Variants in CCDC9 observed in about 807,000 individuals in gnomAD.
CCDC9 encodes coiled-coil domain containing 9.
CCDC9 carries 52 observed loss-of-function variants against 65.6 expected under a neutral mutation model. That is an observed-to-expected ratio of 0.79 (90% CI 0.63 to 1.00). The LOEUF (loss-of-function observed/expected upper bound fraction) is 1.00. Among genes scored for constraint, CCDC9 ranks in the 50% least tolerant of loss-of-function variants. The pLI is 0.00. For synonymous variants in CCDC9, 332 were observed against 280.3 expected (o/e 1.18, Z -1.84); for missense variants, 834 against 757.2 (o/e 1.10, Z -1.19).
At chr19:47,260,218 G>T in intron 3 of CCDC9, 103 bp from the exon 4 acceptor site, 1 of 777,464 alleles carries the variant, frequency 1.3e-6, no homozygotes. Context: ...GTCCAGGAGA[G>T]AGGCCTGGGC....
chr19:47,257,062 G>A (rs2059014871), intron 1 of CCDC9, among the ~76,000 whole-genome samples: 1 of 151,356 alleles, frequency 6.6e-6, no homozygotes, highest in Non-Finnish European at 1.5e-5. Flanking sequence ...GGCGGGGCCA[G>A]GGTGCTGGCG....
chr19:47,265,064 C>CTTT, intron 7 of CCDC9, 118 bp downstream of exon 7: 7 of 690,790 alleles, frequency 1.0e-5, no homozygotes, highest in Non-Finnish European at 1.4e-5. Context: ...CAGCACAGGA[C>CTTT]TTTTTTTTTT....
In CCDC9 at chr19:47,264,896, G is replaced by A; in HGVS notation, c.670G>A (p.Gly224Arg). The change falls in exon 7 of 12, where the codon GGG becomes AGG. Residue 224 changes from glycine (G) to arginine (R), a missense_variant. Coordinates refer to ENST00000221922, the MANE Select transcript of CCDC9 (RefSeq NM_015603.3). ...EESRRHGRNW[G>R]GPDFERVRCG... ...GAGCCGCCGGCACGGCCGCAACTGG[G>A]GGGGCCCCGACTTCGAGCGGGTGCG... The A allele has an allele frequency of 6.8e-7, 1 of 1,471,306 alleles. No individual in the cohort carries two copies. Among genetic ancestry groups the A allele is most frequent in the South Asian group, 1.4e-5 (1 of 70,614 alleles). 91.1% of individuals were successfully genotyped at this position (1,471,306 alleles called of 1,614,324 possible).
downstream of CCDC9, chr19:47,275,381 C>T (rs776534872): frequency 2.6e-6 from 4 of 1,527,314 alleles, no homozygotes; most frequent in Non-Finnish European, 1.8e-6. Context: ...GATCGCCAGC[C>T]CTCGAGAGCT....
intron 7 of CCDC9, 144 bp downstream of exon 7, chr19:47,265,090 C>G (rs777927415): frequency 3.1e-6 from 2 of 640,094 alleles, no homozygotes; most frequent in Non-Finnish European, 4.6e-6. Flanking sequence ...CGGATTCTCG[C>G]TCTGTCACCC....
intron 8 of CCDC9, among the ~76,000 whole-genome samples, chr19:47,268,460 C>A (rs1464644750): frequency 6.6e-6 from 1 of 152,118 alleles, no homozygotes; most frequent in Non-Finnish European, 1.5e-5. Context: ...GGATTGTGAA[C>A]CAAGCCTGTG....
downstream of CCDC9, chr19:47,273,317 G>A: frequency 1.7e-6 from 2 of 1,201,102 alleles, no homozygotes; most frequent in South Asian, 4.2e-5. Flanking sequence ...GAGGTGGGAA[G>A]ACTGCTCCCC....
At chr19:47,257,517 C>G (rs566729672) in intron 1 of CCDC9, 1 of 152,406 alleles carries the variant, frequency 6.6e-6, no homozygotes, top group African/African-American at 2.4e-5. Flanking sequence ...ATGTCGGGGA[C>G]GTGGCCCTGG....
chr19:47,275,430 TC>T, downstream of CCDC9: 1 of 1,454,408 alleles, frequency 6.9e-7, no homozygotes, highest in Non-Finnish European at 9.1e-7. Context: ...TCTGGATTGG[TC>T]CGGCCTTCTT....
intron 5 of CCDC9, among the ~76,000 whole-genome samples, chr19:47,263,852 C>T (rs1356375796): frequency 3.3e-5 from 5 of 151,550 alleles, no homozygotes; most frequent in Admixed American, 2.6e-4. Context: ...GCGTGAGCCA[C>T]TGTGCCCGAC....
intron 5 of CCDC9, 135 bp from the exon 6 acceptor site, chr19:47,264,468 G>A (rs1480945630): frequency 3.8e-6 from 3 of 793,538 alleles, no homozygotes; most frequent in Admixed American, 2.2e-5. Flanking sequence ...CCTGGAGCAC[G>A]CTGAGAGCAA....
At chr19:47,258,299 G>T (rs1178054910) in intron 1 of CCDC9, 31 bp from the exon 2 acceptor site, 1 of 1,295,770 alleles carries the variant, frequency 7.7e-7, no homozygotes, top group Non-Finnish European at 1.1e-6. Context: ...GGGGCCATTG[G>T]CCTTTGTCCT....
chr19:47,273,958 T>G, downstream of CCDC9: 2 of 984,090 alleles, frequency 2.0e-6, no homozygotes, highest in South Asian at 9.4e-5. Context: ...CCCTCCCCCC[T>G]CCCGCAGGCC....
At chr19:47,273,887 GC>G (rs956820129), downstream of CCDC9, 5 of 801,494 alleles carry the variant, frequency 6.2e-6, no homozygotes, top group Non-Finnish European at 7.6e-6. Flanking sequence ...TGCTTGGCGG[GC>G]TTTTCTGTGG....
chr19:47,269,556 C>G (rs1352160794), intron 8 of CCDC9, among the ~76,000 whole-genome samples: 2 of 152,006 alleles, frequency 1.3e-5, no homozygotes, highest in African/African-American at 4.8e-5. Flanking sequence ...TCACCCTGGT[C>G]TCGAACTCCT....
In CCDC9 at chr19:47,264,664, C is replaced by T; in HGVS notation, c.524C>T (p.Ala175Val). The T allele has an allele frequency of 6.2e-7, 1 of 1,605,144 alleles. No homozygotes were observed. Among genetic ancestry groups the T allele is most frequent in the Non-Finnish European group, 8.5e-7 (1 of 1,175,986 alleles). Residue 175 changes from alanine (A) to valine (V), a missense_variant, in exon 6 of 12, where the codon GCC (alanine) becomes GTC (valine). Physicochemically the swap from Ala to Val is moderately conservative, Grantham distance 64 (BLOSUM62 0). Transcript: ENST00000221922. ...EKMNEEMEKI[A>V]EYERNQREGV... ...ATGAATGAGGAGATGGAGAAGATCG[C>T]CGAGTATGAGCGCAACCAGCGGGTC...
At chr19:47,270,721 C>A (rs777857979) in intron 10 of CCDC9, 33 bp downstream of exon 10, 2 of 1,583,010 alleles carry the variant, frequency 1.3e-6, no homozygotes, top group Non-Finnish European at 1.7e-6. Context: ...TTGCATACCC[C>A]CAGGGCTCTC....
intron 8 of CCDC9, among the ~76,000 whole-genome samples, chr19:47,267,786 C>T (rs1392549554): frequency 6.6e-6 from 1 of 152,180 alleles, no homozygotes; most frequent in African/African-American, 2.4e-5. Context: ...CTCCTGCCAG[C>T]CTCTGACCTG....
chr19:47,266,238 G>T (rs574116820), intron 7 of CCDC9: 6 of 187,238 alleles, frequency 3.2e-5, no homozygotes, highest in African/African-American at 1.4e-4. Context: ...CTCATGATCC[G>T]CCTACCTTGG....
Sources: gnomAD v4.1 joint callset for allele counts (sites outside exome capture counted in the v4.1 genomes callset) on GRCh38, gnomAD v4.1.1 for gene constraint, MANE v1.5 for transcripts, NCBI Gene and HGNC (gene_info 2026-07-23, HGNC 2026-07-21) for gene names.